Variants in LRRC37A2 observed in about 807,000 individuals in gnomAD.
The protein encoded by LRRC37A2 is leucine-rich repeat-containing protein 37A2.
Under a neutral mutation model 68.8 loss-of-function variants are expected in LRRC37A2, and 9 were observed. The observed-to-expected ratio is 0.13, with a 90% CI of 0.08 to 0.23. The LOEUF is 0.23. LRRC37A2 is among the 10% of genes least tolerant of loss of function. The pLI is 1.00. For missense variants in LRRC37A2, 168 were observed against 950.4 expected (o/e 0.18, Z 10.82); for synonymous variants, 63 against 367.6 (o/e 0.17, Z 9.48).
At chr17:46,458,836 C>T in the LRRC37A2 span, among the ~76,000 whole-genome samples, 11 of 107,780 alleles carry the variant, frequency 1.0e-4, 3 homozygotes, top group Admixed American at 2.8e-4. Flanking sequence ...CCACCGTGCC[C>T]GGCCTCCCAT....
chr17:46,742,191 A>G, the LRRC37A2 span, among the ~76,000 whole-genome samples: 6 of 152,244 alleles, frequency 3.9e-5, no homozygotes, highest in East Asian at 1.9e-4. Context: ...GGCACGAAGC[A>G]TACATGCCGT....
At chr17:46,936,520 C>T in the LRRC37A2 span, 1 of 985,608 alleles carries the variant, frequency 1.0e-6, no homozygotes, top group South Asian at 4.7e-5. Context: ...CTCCACCTGC[C>T]TCACACCCTG....
chr17:47,040,416 GAATATTTTAAAT>G, the LRRC37A2 span, among the ~76,000 whole-genome samples: 1 of 151,948 alleles, frequency 6.6e-6, no homozygotes, highest in Non-Finnish European at 1.5e-5. Flanking sequence ...GTTAAAAGTT[GAATATTTTAAAT>G]AACATAATGT....
chr17:46,852,388 CAGTGTGTGTG>C, the LRRC37A2 span, among the ~76,000 whole-genome samples: 9 of 101,236 alleles, frequency 8.9e-5, no homozygotes, highest in Non-Finnish European at 1.4e-4. Context: ...TGAGAGGGCC[CAGTGTGTGTG>C]TGTGTGTGTG....
the LRRC37A2 span, among the ~76,000 whole-genome samples, chr17:47,037,561 A>G: frequency 2.0e-5 from 3 of 152,222 alleles, no homozygotes; most frequent in East Asian, 1.9e-4. Context: ...ATCTACATTC[A>G]TAAGAAATAC....
chr17:46,500,729 C>G, the LRRC37A2 span, among the ~76,000 whole-genome samples: 78 of 151,188 alleles, frequency 5.2e-4, no homozygotes, highest in Non-Finnish European at 5.9e-5. Flanking sequence ...TCATGACATT[C>G]AATGAGTAGC....
chr17:46,997,567 T>C, the LRRC37A2 span, among the ~76,000 whole-genome samples: 1 of 152,148 alleles, frequency 6.6e-6, no homozygotes, highest in African/African-American at 2.4e-5. Context: ...TATCCACTTA[T>C]AGGAAATATA....
At chr17:46,987,251 C>CAAT in the LRRC37A2 span, among the ~76,000 whole-genome samples, 2 of 151,394 alleles carry the variant, frequency 1.3e-5, no homozygotes, top group Admixed American at 6.6e-5. Context: ...TCAAAAATAA[C>CAAT]AATAATAATA....
the LRRC37A2 span, among the ~76,000 whole-genome samples, chr17:46,881,297 C>T: frequency 6.6e-6 from 1 of 152,248 alleles, no homozygotes; most frequent in African/African-American, 2.4e-5. Flanking sequence ...GCATCCCCGT[C>T]CTAACATGCT....
chr17:46,905,284 C>T, the LRRC37A2 span, among the ~76,000 whole-genome samples: 765 of 152,200 alleles, frequency 5.0e-3, 5 homozygotes, highest in African/African-American at 0.017. Context: ...TCATGTTGGC[C>T]AGGCTGGTCT....
At chr17:46,519,642 GAC>G (rs1469057658) in intron 3 of LRRC37A2, among the ~76,000 whole-genome samples, 2 of 127,812 alleles carry the variant, frequency 1.6e-5, no homozygotes, top group Non-Finnish European at 3.2e-5. Flanking sequence ...TTGGGAAGCA[GAC>G]ACAGGAGGAT....
the LRRC37A2 span, among the ~76,000 whole-genome samples, chr17:46,863,772 G>A: frequency 6.6e-6 from 1 of 152,188 alleles, no homozygotes; most frequent in Admixed American, 6.5e-5. Context: ...GCTGAGGGGA[G>A]GGTCCCCTTT....
chr17:46,895,405 A>T, the LRRC37A2 span, among the ~76,000 whole-genome samples: 2 of 152,224 alleles, frequency 1.3e-5, no homozygotes, highest in African/African-American at 4.8e-5. Context: ...TTGTGTTATG[A>T]GGACGGAACC....
At chr17:46,770,948 G>T in the LRRC37A2 span, among the ~76,000 whole-genome samples, 37,736 of 152,258 alleles carry the variant, frequency 0.25, 5,872 homozygotes, top group Non-Finnish European at 0.33. Flanking sequence ...GGACCCGGGA[G>T]CCGGAGGTGA....
the LRRC37A2 span, among the ~76,000 whole-genome samples, chr17:46,927,861 G>A: frequency 2.0e-5 from 3 of 151,734 alleles, no homozygotes; most frequent in African/African-American, 7.3e-5. Context: ...TTTTTATTAT[G>A]TCACTGTTCG....
At chr17:46,717,879 G>A in the LRRC37A2 span, among the ~76,000 whole-genome samples, 1 of 152,188 alleles carries the variant, frequency 6.6e-6, no homozygotes, top group Non-Finnish European at 1.5e-5. Flanking sequence ...CCGAACTGGA[G>A]CAGCGTTCAG....
chr17:46,502,406 A>T, the LRRC37A2 span, among the ~76,000 whole-genome samples: 1 of 150,988 alleles, frequency 6.6e-6, no homozygotes, highest in Non-Finnish European at 1.5e-5. Flanking sequence ...TGCCTCCCAG[A>T]TTCTCCTGTC....
At chr17:46,838,336 A>AAAG in the LRRC37A2 span, among the ~76,000 whole-genome samples, 1 of 152,002 alleles carries the variant, frequency 6.6e-6, no homozygotes, top group Admixed American at 6.6e-5. Flanking sequence ...AAAAAAAAAA[A>AAAG]AAATCACAGG....
the LRRC37A2 span, among the ~76,000 whole-genome samples, chr17:46,731,621 G>A: frequency 6.6e-6 from 1 of 152,110 alleles, no homozygotes; most frequent in South Asian, 2.1e-4. Context: ...GGAGAAAGAG[G>A]AATTGGATCA....
Sources: allele counts gnomAD v4.1 joint callset (sites outside exome capture counted in the v4.1 genomes callset), GRCh38; gene constraint gnomAD v4.1.1; transcripts MANE v1.5; gene names NCBI Gene and HGNC (gene_info 2026-07-23, HGNC 2026-07-21).